HACD2: variants seen among roughly 807,000 people sequenced by gnomAD.
HACD2 encodes the protein 3-hydroxyacyl-CoA dehydratase 2.
Under a neutral mutation model 31.0 loss-of-function variants are expected in HACD2, and 15 were observed. The observed-to-expected ratio is 0.48, with a 90% CI of 0.32 to 0.75. The LOEUF (loss-of-function observed/expected upper bound fraction) is 0.75. Among genes scored for constraint, HACD2 ranks in the 30% least tolerant of loss-of-function variants. The pLI is 0.03. For missense variants in HACD2, 283 were observed against 313.0 expected, an observed-to-expected ratio of 0.90 and a Z score of 0.72; for synonymous variants, 115 against 122.2, an observed-to-expected ratio of 0.94 and a Z score of 0.39.
intron 4 of HACD2, among the ~76,000 whole-genome samples, chr3:123,521,898 A>G (rs2056219322): frequency 6.6e-6 from 1 of 151,870 alleles, no homozygotes; most frequent in Non-Finnish European, 1.5e-5. Context: ...AACTAACTAA[A>G]TCATCATCAG....
chr3:123,532,729 G>A (rs558346606), intron 3 of HACD2, among the ~76,000 whole-genome samples: 4 of 151,494 alleles, frequency 2.6e-5, no homozygotes, highest in Non-Finnish European at 4.4e-5. Flanking sequence ...CCAGCTACTC[G>A]GGAGGCTGAG....
intron 4 of HACD2, among the ~76,000 whole-genome samples, chr3:123,518,525 AT>A (rs2056173908): frequency 6.6e-6 from 1 of 152,130 alleles, no homozygotes; most frequent in African/African-American, 2.4e-5. Context: ...AACTTTAGTT[AT>A]TTAAAAGTGT....
At chr3:123,583,908 G>A (rs1425159655) in intron 1 of HACD2, among the ~76,000 whole-genome samples, 1 of 152,090 alleles carries the variant, frequency 6.6e-6, no homozygotes, top group Non-Finnish European at 1.5e-5. Flanking sequence ...AAATAAAAAT[G>A]GATGTTCACT....
At chr3:123,503,265 A>G (rs1394764538) in intron 4 of HACD2, among the ~76,000 whole-genome samples, 2 of 150,808 alleles carry the variant, frequency 1.3e-5, no homozygotes, top group East Asian at 3.9e-4. Flanking sequence ...ACTGTCTCAA[A>G]AAAAAAAAAA....
At chr3:123,504,398 T>C (rs1168603157) in intron 4 of HACD2, among the ~76,000 whole-genome samples, 3 of 152,180 alleles carry the variant, frequency 2.0e-5, no homozygotes, top group Non-Finnish European at 2.9e-5. Flanking sequence ...ACTTTGTGCT[T>C]TTCACAAGTA....
chr3:123,547,384 T>G (rs913985352), intron 3 of HACD2, among the ~76,000 whole-genome samples: 1 of 152,222 alleles, frequency 6.6e-6, no homozygotes, highest in African/African-American at 2.4e-5. Context: ...GATAAAGTAC[T>G]GTGGGAATTA....
intron 3 of HACD2, among the ~76,000 whole-genome samples, chr3:123,542,146 CAAAAAAAAAAAAAA>C (rs11391480): frequency 1.2e-4 from 5 of 41,096 alleles, no homozygotes; most frequent in African/African-American, 3.4e-4. Flanking sequence ...GACTCCGTCT[CAAAAAAAAAAAAAA>C]AAAAAAAAAA....
At chr3:123,516,999 C>T (rs1205541342) in intron 4 of HACD2, among the ~76,000 whole-genome samples, 1 of 152,202 alleles carries the variant, frequency 6.6e-6, no homozygotes, top group Admixed American at 6.5e-5. Context: ...CCTCAGCTTC[C>T]TCATTTGTAA....
intron 3 of HACD2, among the ~76,000 whole-genome samples, chr3:123,565,089 C>T (rs148818294): frequency 6.6e-6 from 1 of 152,204 alleles, no homozygotes; most frequent in East Asian, 1.9e-4. Context: ...TCTCTACTCC[C>T]ACTGCCCAAC....
chr3:123,533,714 G>C (rs999618781), intron 3 of HACD2, among the ~76,000 whole-genome samples: 6 of 152,146 alleles, frequency 3.9e-5, no homozygotes, highest in Non-Finnish European at 8.8e-5. Context: ...CTCTGTGCCA[G>C]ATACCACTCT....
At chr3:123,557,197 G>A (rs934281843) in intron 3 of HACD2, among the ~76,000 whole-genome samples, 20 of 152,206 alleles carry the variant, frequency 1.3e-4, no homozygotes, top group African/African-American at 4.6e-4. Flanking sequence ...ATTCTCATAG[G>A]AGCATGAACC....
chr3:123,563,234 T>C (rs1165595642), intron 3 of HACD2, among the ~76,000 whole-genome samples: 1 of 152,196 alleles, frequency 6.6e-6, no homozygotes, highest in African/African-American at 2.4e-5. Flanking sequence ...CAAGGTATTA[T>C]AGAAGAGTGA....
chr3:123,532,829 G>A (rs1384124302), intron 3 of HACD2, among the ~76,000 whole-genome samples: 22 of 74,034 alleles, frequency 3.0e-4, no homozygotes, highest in African/African-American at 8.2e-4. Flanking sequence ...GTGAGACTCC[G>A]TCTCAAAAAA....
intron 4 of HACD2, among the ~76,000 whole-genome samples, chr3:123,521,210 G>A (rs2056210517): frequency 6.6e-6 from 1 of 152,152 alleles, no homozygotes; most frequent in Non-Finnish European, 1.5e-5. Flanking sequence ...ACATCCAGAA[G>A]ATAAATTAAA....
intron 2 of HACD2, among the ~76,000 whole-genome samples, chr3:123,570,046 A>AT (rs1179181830): frequency 7.1e-6 from 1 of 140,604 alleles, no homozygotes; most frequent in Admixed American, 7.3e-5. Flanking sequence ...CAGGCTGCTG[A>AT]TTAGCAACAG....
At chr3:123,502,534 G>A (rs746201316) in intron 5 of HACD2, 26 bp downstream of exon 5, 19 of 1,605,596 alleles carry the variant, frequency 1.2e-5, no homozygotes, top group South Asian at 1.0e-4. Flanking sequence ...TTTCAAAAGT[G>A]AGCCTTTTGA....
chr3:123,546,467 C>A (rs1332793542), intron 3 of HACD2, among the ~76,000 whole-genome samples: 1 of 152,162 alleles, frequency 6.6e-6, no homozygotes, highest in Non-Finnish European at 1.5e-5. Context: ...GAGGAAGCCA[C>A]CTAGCACAGT....
chr3:123,521,432 T>C (rs1350192515), intron 4 of HACD2, among the ~76,000 whole-genome samples: 2 of 152,080 alleles, frequency 1.3e-5, no homozygotes, highest in Non-Finnish European at 2.9e-5. Context: ...GACCGTAGGA[T>C]ATTTTTCTCT....
At chr3:123,516,856 G>T (rs1382210941) in intron 4 of HACD2, among the ~76,000 whole-genome samples, 1 of 152,170 alleles carries the variant, frequency 6.6e-6, no homozygotes, top group Non-Finnish European at 1.5e-5. Flanking sequence ...ATGAAGAAAG[G>T]ATGGTCGGTA....
Sources: allele counts gnomAD v4.1 joint callset (sites outside exome capture counted in the v4.1 genomes callset), GRCh38; gene constraint gnomAD v4.1.1; transcripts MANE v1.5; gene names NCBI Gene and HGNC (gene_info 2026-07-23, HGNC 2026-07-21).